Variants in SMC5 observed in about 807,000 individuals in gnomAD.
SMC5 encodes structural maintenance of chromosomes 5, also known as structural maintenance of chromosomes protein 5.
SMC5 carries 88 observed loss-of-function variants against 148.3 expected under a neutral mutation model. That is an observed-to-expected ratio of 0.59 (90% confidence interval 0.50 to 0.71). SMC5 has a LOEUF of 0.71. Ranked by LOEUF, SMC5 falls within the 30% of genes least tolerant of loss-of-function variation. SMC5 has a pLI of 0.00. For missense variants in SMC5, 1,142 were observed against 1,298.9 expected (o/e 0.88, Z 1.86); for synonymous variants, 421 against 432.8 (o/e 0.97, Z 0.34).
intron 13 of SMC5, 109 bp downstream of exon 13, chr9:70,315,687 G>C: frequency 1.2e-6 from 1 of 839,934 alleles, no homozygotes. Flanking sequence ...TAAGTCTGTT[G>C]TTTTTAACCA....
At chr9:70,335,244 C>G (rs1051030624) in intron 17 of SMC5, among the ~76,000 whole-genome samples, 14 of 152,158 alleles carry the variant, frequency 9.2e-5, no homozygotes, top group Non-Finnish European at 1.5e-5. Context: ...ATAATCCCAG[C>G]ACTTTAGGAG....
Position 70,259,000 on chromosome 9 carries a change from C to T in SMC5, c.-79C>T. 6.9e-7 allele frequency: 1 copy of T among 1,458,282 alleles called. No individual in the cohort carries two copies. The highest frequency in any genetic ancestry group is 9.1e-7 in the Non-Finnish European group (1 of 1,099,900). The allele number at this position is 1,458,282 out of a possible 1,614,324, so 90.3% of individuals were successfully genotyped here. The stretch of plus-strand genomic sequence containing the variant: ...GGCAGTTCGCGCGGGAGCGGGGCGC[C>T]TGGGTGGATGGGCGCTTGGGCGCCT... On this transcript the variant is annotated 5_prime_UTR_variant, in exon 1 of 25. Coordinates refer to ENST00000361138, the MANE Select transcript of SMC5 (RefSeq NM_015110.4).
At position 70,314,849 on chromosome 9, in the gene SMC5, A is replaced by C. The variant is rs117931618; in HGVS notation, c.1673+13A>C. 559 of 1,368,822 alleles carry C rather than the reference A, an allele frequency of 4.1e-4. 6 individuals are homozygous for C. The East Asian group carries it at 0.012, about 28-fold the overall frequency. 84.8% of individuals were successfully genotyped at this position (1,368,822 alleles called of 1,614,324 possible). ...TGAATGAACTTAAGTAAGTCTTGAA[A>C]ATACTAAGATTTATTTAAATATTGA... On this transcript the variant is annotated intron_variant, in intron 12 of 24. Transcript: ENST00000361138.
intron 1 of SMC5, among the ~76,000 whole-genome samples, chr9:70,261,247 C>A (rs887284643): frequency 6.6e-6 from 1 of 152,164 alleles, no homozygotes; most frequent in Non-Finnish European, 1.5e-5. Context: ...TGTAGGCAGC[C>A]ACGGTGTGTT....
At chr9:70,277,168 A>T in intron 3 of SMC5, 142 bp from the exon 4 acceptor site, 1 of 601,002 alleles carries the variant, frequency 1.7e-6, no homozygotes. Flanking sequence ...TTCCTTCTTG[A>T]GGGGCCAAAA....
chr9:70,349,267 A>G (rs1038437520), intron 22 of SMC5, among the ~76,000 whole-genome samples: 4 of 152,056 alleles, frequency 2.6e-5, no homozygotes, highest in African/African-American at 9.7e-5. Context: ...GGATTTCCCC[A>G]TGTTGGCCAG....
At chr9:70,324,194 T>C (rs779617826) in intron 17 of SMC5, 51 bp downstream of exon 17, 10 of 1,540,538 alleles carry the variant, frequency 6.5e-6, no homozygotes, top group African/African-American at 2.8e-5. Context: ...CTCAGACTGG[T>C]TTGAAAATAT....
At chr9:70,324,409 A>G (rs1175213626) in intron 17 of SMC5, among the ~76,000 whole-genome samples, 1 of 152,224 alleles carries the variant, frequency 6.6e-6, no homozygotes. Context: ...GTGATATACC[A>G]TATTAACTTA....
intron 11 of SMC5, among the ~76,000 whole-genome samples, chr9:70,313,866 A>G (rs899253020): frequency 5.3e-5 from 8 of 152,126 alleles, no homozygotes; most frequent in Admixed American, 2.0e-4. Flanking sequence ...TCAATTATCA[A>G]TTATCTTCTT....
chr9:70,294,392 T>G (rs1308141774), intron 8 of SMC5, among the ~76,000 whole-genome samples: 2 of 152,176 alleles, frequency 1.3e-5, no homozygotes, highest in Non-Finnish European at 2.9e-5. Context: ...TAGATATAGA[T>G]AGTTAGAAGG....
chr9:70,315,561 A>G lies in SMC5; in HGVS notation c.1789A>G (p.Arg597Gly), dbSNP rs201289280. 3.4e-4 allele frequency: 540 copies of G among 1,587,002 alleles called. No individual in the cohort carries two copies. The highest frequency in any genetic ancestry group is 7.4e-4 in the Admixed American group (43 of 58,458). ...AGTTCCTGTAGGAACTGAAAAGACC[A>G]GAGAAAGAATTGAACGGGTAGGAAA... ...HEVPVGTEKT[R>G]ERIERVIQET... Residue 597 changes from arginine to glycine, a missense_variant, in exon 13 of 25, where the codon AGA becomes GGA. Physicochemically the swap from Arg to Gly is moderately radical, Grantham distance 125. This residue lies in a region of SMC5 where 743 missense variants were observed against 835.7 expected (regional missense o/e 0.89). Coordinates refer to ENST00000361138, the MANE Select transcript of SMC5 (RefSeq NM_015110.4).
chr9:70,291,159 A>G (rs2035050014), intron 8 of SMC5, among the ~76,000 whole-genome samples: 1 of 152,134 alleles, frequency 6.6e-6, no homozygotes, highest in Non-Finnish European at 1.5e-5. Flanking sequence ...TCTTGGTCAT[A>G]TGTGGCTATT....
intron 9 of SMC5, 25 bp downstream of exon 9, chr9:70,298,246 A>T: frequency 6.3e-7 from 1 of 1,592,504 alleles, no homozygotes; most frequent in South Asian, 1.1e-5. Flanking sequence ...GTTAGAATGA[A>T]ATGTTTATAA....
In SMC5 at chr9:70,308,590, C is replaced by CA. The variant is rs59441324; in HGVS notation, c.1578+3259dup. 7.7e-3 allele frequency among the ~76,000 whole-genome samples: 555 copies of CA among 72,224 alleles called. 39 individuals carry two copies. Among genetic ancestry groups the CA allele is most frequent in the Non-Finnish European group, 0.01 (407 of 39,144 alleles). 47.4% of individuals were successfully genotyped at this position (72,224 alleles called of 152,430 possible). A position where few individuals can be genotyped will look rare whatever the true frequency, so the allele number is the denominator to read the frequency against. On this transcript the variant is annotated intron_variant, in intron 11 of 24. Transcript: ENST00000361138. ...AGCCTGGGCGACAGAGACTCTGTCTCAAAAAAAAAAAAAAAAAAAAAAAAA... is the reference window on the plus strand; with the variant it reads ...AGCCTGGGCGACAGAGACTCTGTCTCAAAAAAAAAAAAAAAAAAAAAAAAAA...
At chr9:70,334,538 G>A (rs1338737679) in intron 17 of SMC5, among the ~76,000 whole-genome samples, 1 of 152,182 alleles carries the variant, frequency 6.6e-6, no homozygotes, top group Non-Finnish European at 1.5e-5. Flanking sequence ...GACTATGCCT[G>A]TGGGCCAAAT....
At chr9:70,289,081 A>G (rs2034986909) in intron 8 of SMC5, among the ~76,000 whole-genome samples, 1 of 152,042 alleles carries the variant, frequency 6.6e-6, no homozygotes, top group Admixed American at 6.5e-5. Context: ...TCTGTCTCCG[A>G]GGCTGGAGTG....
In SMC5 at chr9:70,344,287, A is replaced by G. The variant is rs758794989; in HGVS notation, c.2523+18A>G. 7.1e-7 allele frequency: 1 copy of G among 1,415,312 alleles called. No homozygotes were observed. The highest frequency in any genetic ancestry group is 2.6e-5 in the Admixed American group (1 of 38,538). The allele number at this position is 1,415,312 out of a possible 1,614,324, so 87.7% of individuals were successfully genotyped here. A position where few individuals can be genotyped will look rare whatever the true frequency, so the allele number is the denominator to read the frequency against. The stretch of plus-strand genomic sequence containing the variant: ...ACCAGACAGTAAGTATAAAAAGTAT[A>G]TAATGCTACAATTGCCATATTTAAC... On this transcript the variant is annotated intron_variant, in intron 18 of 24. Coordinates refer to ENST00000361138, the MANE Select transcript of SMC5 (RefSeq NM_015110.4).
At position 70,353,899 on chromosome 9, in the gene SMC5, T is replaced by G. The variant is rs1223508931; in HGVS notation, c.*1568T>G. ...TTGCGTTCCACCAAAATATCTTTACTAAAATGTGCTTGGTGTAGTTTGTTT... is the reference window on the plus strand; with the variant it reads ...TTGCGTTCCACCAAAATATCTTTACGAAAATGTGCTTGGTGTAGTTTGTTT... On this transcript the variant is annotated 3_prime_UTR_variant, in exon 25 of 25. Transcript: ENST00000361138. 1 of 152,242 alleles carries G rather than the reference T, an allele frequency of 6.6e-6. No homozygotes were observed. Among genetic ancestry groups the G allele is most frequent in the African/African-American group, 2.4e-5 (1 of 41,476 alleles). 9.4% of individuals were successfully genotyped at this position (152,242 alleles called of 1,614,324 possible). A position where few individuals can be genotyped will look rare whatever the true frequency, so the allele number is the denominator to read the frequency against.
chr9:70,281,043 CT>C (rs895384041), intron 6 of SMC5, 144 bp downstream of exon 6: 42,837 of 587,392 alleles, frequency 0.073, no homozygotes, highest in South Asian at 0.11. Context: ...AAATTCATGT[CT>C]TTTTTTTTTT....
Sources: allele counts gnomAD v4.1 joint callset (sites outside exome capture counted in the v4.1 genomes callset), GRCh38; gene constraint gnomAD v4.1.1; regional missense constraint gnomAD v4.1.1; transcripts MANE v1.5; gene names NCBI Gene and HGNC (gene_info 2026-07-23, HGNC 2026-07-21).